ZSWIM5: variants seen among roughly 807,000 people sequenced by gnomAD.
ZSWIM5 encodes zinc finger SWIM-type containing 5.
A neutral mutation model predicts 119.6 loss-of-function variants in ZSWIM5; 55 were observed. The ratio of observed to expected loss-of-function variants is 0.46; its 90% CI spans 0.37 to 0.58. The LOEUF is 0.58. ZSWIM5 is among the 20% of genes least tolerant of loss of function. The pLI is 0.00. For missense variants in ZSWIM5, 1,193 were observed against 1,512.8 expected (o/e 0.79, Z 3.51); for synonymous variants, 537 against 606.9 (o/e 0.88, Z 1.69).
At chr1:45,197,653 A>C (rs547878016) in intron 1 of ZSWIM5, among the ~76,000 whole-genome samples, 10 of 152,338 alleles carry the variant, frequency 6.6e-5, no homozygotes, top group Non-Finnish European at 1.3e-4. Flanking sequence ...GTCTTCAAAA[A>C]GTTTGTGAAG....
chr1:45,019,190 G>A lies in ZSWIM5; in HGVS notation c.2822C>T (p.Pro941Leu). ...TTILRLSLDY[P>L]QREELASCAR... ...ACAGCTAGCCAGTTCCTCCCGCTGT[G>A]GATAGTCAAGACTGAGGCGCAGGAT... The change falls in exon 14 of 14, where the codon CCA (proline) becomes CTA (leucine). Residue 941 changes from proline (P) to leucine (L), a missense_variant. This residue lies in a region of ZSWIM5 where 961 missense variants were observed against 1,290.0 expected (regional missense o/e 0.74). Coordinates refer to ENST00000359600, the MANE Select transcript of ZSWIM5 (RefSeq NM_020883.2). The surrounding 1 kb of genome is among the most constrained non-coding windows in gnomAD (Gnocchi z 5.0). 6.2e-7 allele frequency: 1 copy of A among 1,613,668 alleles called. No homozygotes were observed. Among genetic ancestry groups the A allele is most frequent in the Non-Finnish European group, 8.5e-7 (1 of 1,180,028 alleles).
intron 6 of ZSWIM5, among the ~76,000 whole-genome samples, chr1:45,040,791 A>G (rs1016746400): frequency 4.6e-5 from 7 of 152,234 alleles, no homozygotes; most frequent in Non-Finnish European, 7.3e-5. Context: ...GGATAATAAA[A>G]TGTAGTTTCT....
At chr1:45,133,188 C>G (rs1645668933) in intron 1 of ZSWIM5, among the ~76,000 whole-genome samples, 1 of 152,186 alleles carries the variant, frequency 6.6e-6, no homozygotes, top group South Asian at 2.1e-4. Flanking sequence ...GGAATCGCCA[C>G]ACTGTCTGCC....
At chr1:45,115,092 A>T (rs980715764) in intron 1 of ZSWIM5, among the ~76,000 whole-genome samples, 2 of 151,996 alleles carry the variant, frequency 1.3e-5, no homozygotes, top group South Asian at 4.2e-4. Flanking sequence ...TTTTCCCCAC[A>T]TTTCCCCCTT....
intron 6 of ZSWIM5, among the ~76,000 whole-genome samples, chr1:45,041,795 C>T (rs537934064): frequency 4.3e-4 from 65 of 152,344 alleles, no homozygotes; most frequent in Non-Finnish European, 8.2e-4. Flanking sequence ...ACCTCAGCCT[C>T]TCAATGTGCT....
At chr1:45,132,632 C>CT (rs1645664916) in intron 1 of ZSWIM5, among the ~76,000 whole-genome samples, 1 of 151,544 alleles carries the variant, frequency 6.6e-6, no homozygotes, top group Non-Finnish European at 1.5e-5. Flanking sequence ...TTTTATTATA[C>CT]TTTAAGTTCT....
At chr1:45,205,576 G>A (rs1473051210) in intron 1 of ZSWIM5, among the ~76,000 whole-genome samples, 180 bp downstream of exon 1, 1 of 152,218 alleles carries the variant, frequency 6.6e-6, no homozygotes, top group Non-Finnish European at 1.5e-5. Context: ...GTCAGTGGAG[G>A]AAAGAGCAGT....
intron 5 of ZSWIM5, among the ~76,000 whole-genome samples, chr1:45,049,772 G>A (rs759689282): frequency 6.6e-5 from 10 of 151,796 alleles, no homozygotes; most frequent in Admixed American, 2.6e-4. Flanking sequence ...CGAGATCGCA[G>A]TACTGCACTC....
At chr1:45,102,052 A>C (rs957339702) in intron 1 of ZSWIM5, among the ~76,000 whole-genome samples, 8 of 151,044 alleles carry the variant, frequency 5.3e-5, no homozygotes, top group East Asian at 1.9e-4. Flanking sequence ...AAAAAAAAAA[A>C]CTGTGAACTA....
intron 1 of ZSWIM5, among the ~76,000 whole-genome samples, chr1:45,197,922 A>G (rs1256531548): frequency 1.3e-5 from 2 of 152,250 alleles, no homozygotes. Context: ...TATAAAATGT[A>G]TATGGGGCAA....
chr1:45,087,537 C>A (rs1019330118), intron 2 of ZSWIM5, among the ~76,000 whole-genome samples: 2 of 152,160 alleles, frequency 1.3e-5, no homozygotes, highest in African/African-American at 4.8e-5. Context: ...CTGAATGATA[C>A]AAATTATTTT....
intron 1 of ZSWIM5, among the ~76,000 whole-genome samples, chr1:45,202,465 C>T (rs1646163587): frequency 6.6e-6 from 1 of 151,846 alleles, no homozygotes; most frequent in African/African-American, 2.4e-5. Context: ...GTAATTGTAC[C>T]TCTTCCACAT....
chr1:45,029,863 G>A (rs1346226506), intron 11 of ZSWIM5, among the ~76,000 whole-genome samples: 1 of 152,048 alleles, frequency 6.6e-6, no homozygotes, highest in Non-Finnish European at 1.5e-5. Flanking sequence ...TGGCTATTAT[G>A]AATAATGTTA....
chr1:45,189,751 G>A (rs891554878), intron 1 of ZSWIM5, among the ~76,000 whole-genome samples: 2 of 152,100 alleles, frequency 1.3e-5, no homozygotes, highest in Admixed American at 6.5e-5. Context: ...GCTGGATTTC[G>A]TCTCAAAAAA....
At chr1:45,064,372 C>A (rs1433617990) in intron 2 of ZSWIM5, among the ~76,000 whole-genome samples, 3 of 152,116 alleles carry the variant, frequency 2.0e-5, no homozygotes, top group African/African-American at 7.2e-5. Flanking sequence ...AATAGGGATT[C>A]ATTTTTGTAC....
At chr1:45,166,480 A>C (rs1398481078) in intron 1 of ZSWIM5, among the ~76,000 whole-genome samples, 2 of 152,132 alleles carry the variant, frequency 1.3e-5, no homozygotes, top group Non-Finnish European at 2.9e-5. Flanking sequence ...GCAATCAGGC[A>C]GGAGAAAGAA....
chr1:45,093,846 G>GTT (rs11383878), intron 1 of ZSWIM5, among the ~76,000 whole-genome samples: 2,927 of 137,482 alleles, frequency 0.021, 108 homozygotes, highest in African/African-American at 0.071. Context: ...GTAGAAGCTT[G>GTT]TTTTTTTTTT....
intron 11 of ZSWIM5, among the ~76,000 whole-genome samples, chr1:45,031,453 G>C (rs955983197): frequency 6.6e-6 from 1 of 151,560 alleles, no homozygotes; most frequent in Non-Finnish European, 1.5e-5. Context: ...CGAAGTGCTG[G>C]GATTACAGGT....
chr1:45,020,908 C>T (rs1644883756), intron 11 of ZSWIM5, 120 bp from the exon 12 acceptor site: 9 of 1,223,248 alleles, frequency 7.4e-6, no homozygotes, highest in Non-Finnish European at 1.0e-5. Context: ...CTGAATGCTA[C>T]CGCCCCTTCT....
Sources: gnomAD v4.1 joint callset for allele counts (sites outside exome capture counted in the v4.1 genomes callset) on GRCh38, gnomAD v4.1.1 for gene constraint, gnomAD v4.1.1 regional missense constraint, Gnocchi (gnomAD v3.1) non-coding constraint, MANE v1.5 for transcripts, NCBI Gene and HGNC (gene_info 2026-07-23, HGNC 2026-07-21) for gene names.